Variants in MIGA1 observed in about 807,000 individuals in gnomAD.
The protein encoded by MIGA1 is mitoguardin 1, also known as family with sequence similarity 73, member A.
A neutral mutation model predicts 82.0 loss-of-function variants in MIGA1; 58 were observed. The observed-to-expected ratio is 0.71, with a 90% confidence interval of 0.57 to 0.88. The LOEUF is 0.88. Among genes scored for constraint, MIGA1 ranks in the 40% least tolerant of loss-of-function variants. The probability of loss-of-function intolerance (pLI) is 0.00; values close to 1 mark genes in which losing one functional copy is unlikely to be tolerated. For synonymous variants in MIGA1, 249 were observed against 253.6 expected (o/e 0.98, Z 0.17); for missense variants, 751 against 749.1 (o/e 1.00, Z -0.03).
chr1:77,804,470 A>T (rs1683009279), intron 4 of MIGA1, among the ~76,000 whole-genome samples: 1 of 152,208 alleles, frequency 6.6e-6, no homozygotes, highest in Non-Finnish European at 1.5e-5. Context: ...AGTCTCAGCT[A>T]TTCAGAAGAC....
At chr1:77,795,168 T>G (rs146465659) in intron 2 of MIGA1, among the ~76,000 whole-genome samples, 4,104 of 152,156 alleles carry the variant, frequency 0.027, 79 homozygotes, top group Middle Eastern at 0.092. Context: ...TTCACCATAC[T>G]GGTCAGGCTG....
Position 77,855,105 on chromosome 1 carries a change from C to G in MIGA1, c.997-3833C>G, listed in dbSNP as rs141495242. ...GAGATAAGGATCCAGTTTCATTCTC[C>G]TACATGTAGCTAGCCAATTATCCCA... On this transcript the variant is annotated intron_variant, in intron 8 of 15. Transcript: ENST00000370791. 4.1e-4 allele frequency among the ~76,000 whole-genome samples: 62 copies of G among 152,292 alleles called. No individual in the cohort carries two copies. The East Asian group carries it at 0.011, about 27-fold the overall frequency.
At chr1:77,816,392 G>A (rs1683574618) in intron 7 of MIGA1, among the ~76,000 whole-genome samples, 1 of 152,052 alleles carries the variant, frequency 6.6e-6, no homozygotes, top group Non-Finnish European at 1.5e-5. Flanking sequence ...AGTATGAAGA[G>A]GATTATTATT....
At chr1:77,788,363 T>C (rs975309740) in intron 2 of MIGA1, among the ~76,000 whole-genome samples, 3 of 152,194 alleles carry the variant, frequency 2.0e-5, no homozygotes, top group Admixed American at 6.5e-5. Context: ...GGTCTCGAAC[T>C]CCTGACCTTA....
At chr1:77,848,350 AAGG>A (rs1684921491) in intron 8 of MIGA1, 1 of 1,222,560 alleles carries the variant, frequency 8.2e-7, no homozygotes, top group African/African-American at 1.5e-5. Context: ...CACAGTGAGA[AAGG>A]AGAGAAGGAA....
intron 3 of MIGA1, among the ~76,000 whole-genome samples, chr1:77,802,074 T>C (rs1223795073): frequency 2.6e-5 from 4 of 152,204 alleles, no homozygotes; most frequent in Non-Finnish European, 5.9e-5. Context: ...TGCTGTCTTT[T>C]AAAGGATCTT....
intron 9 of MIGA1, 113 bp from the exon 10 acceptor site, chr1:77,859,201 A>G (rs1025109472): frequency 9.7e-7 from 1 of 1,030,008 alleles, no homozygotes; most frequent in African/African-American, 1.6e-5. Flanking sequence ...GTCAGTATTG[A>G]AAAAACATGT....
At chr1:77,788,657 G>A (rs568114310) in intron 2 of MIGA1, among the ~76,000 whole-genome samples, 1 of 152,114 alleles carries the variant, frequency 6.6e-6, no homozygotes, top group African/African-American at 2.4e-5. Context: ...GTATTATTAG[G>A]TAAGGGTCCA....
At chr1:77,795,310 A>G (rs1274089098) in intron 2 of MIGA1, among the ~76,000 whole-genome samples, 2 of 146,384 alleles carry the variant, frequency 1.4e-5, no homozygotes, top group Non-Finnish European at 3.0e-5. Flanking sequence ...TATTTCCTTC[A>G]TTACTTCTAC....
chr1:77,842,322 G>A (rs888255115), intron 7 of MIGA1, among the ~76,000 whole-genome samples: 3 of 152,050 alleles, frequency 2.0e-5, no homozygotes, highest in Admixed American at 1.3e-4. Context: ...CCCACATTCC[G>A]AATGACAAGT....
At chr1:77,844,127 T>G (rs777321635) in intron 8 of MIGA1, among the ~76,000 whole-genome samples, 4,029 of 117,130 alleles carry the variant, frequency 0.034, 137 homozygotes, top group South Asian at 0.13. Context: ...TATATATATA[T>G]ATATATATAT....
intron 8 of MIGA1, 90 bp from the exon 9 acceptor site, chr1:77,858,848 G>A (rs1685361394): frequency 8.3e-6 from 6 of 725,282 alleles, no homozygotes; most frequent in Admixed American, 2.4e-5. Context: ...TCAAACTTCT[G>A]GGTTCAAATG....
Position 77,853,063 on chromosome 1 carries a change from GCA to G in MIGA1, c.997-5873_997-5872del, listed in dbSNP as rs1280721612. Among the ~76,000 whole-genome samples, 8 of 152,294 alleles carry G rather than the reference GCA, an allele frequency of 5.3e-5. No homozygotes were observed. The East Asian group carries it at 1.5e-3, about 29-fold the overall frequency. ...TAAATCAACTGAAAGCATTAGCACAGCACTGGCTGCATGTGAAATACCAAAAC... is the reference window on the plus strand; with the variant it reads ...TAAATCAACTGAAAGCATTAGCACAGCTGGCTGCATGTGAAATACCAAAAC... On this transcript the variant is annotated intron_variant, in intron 8 of 15. Coordinates refer to ENST00000370791, the MANE Select transcript of MIGA1 (RefSeq NM_198549.4).
intron 9 of MIGA1, 32 bp downstream of exon 9, chr1:77,859,088 G>A: frequency 1.5e-6 from 2 of 1,313,976 alleles, no homozygotes; most frequent in South Asian, 2.4e-5. Context: ...TGTTTATGAA[G>A]GATATTAAGG....
rs1646912615 is a variant in MIGA1, at chr1:77,878,571, C to T, written c.*3507C>T. On this transcript the variant is annotated 3_prime_UTR_variant, in exon 16 of 16. Coordinates refer to ENST00000370791, the MANE Select transcript of MIGA1 (RefSeq NM_198549.4). ...CCTTGCCACCATGAGCTCTACCATC[C>T]ACTTCCATATGTAAATTATAAGAGG... 1 of 275,776 alleles carries T rather than the reference C, an allele frequency of 3.6e-6. No homozygotes were observed. The highest frequency in any genetic ancestry group is 6.7e-6 in the Non-Finnish European group (1 of 148,814). 17.1% of individuals were successfully genotyped at this position (275,776 alleles called of 1,614,324 possible).
At chr1:77,835,297 A>G (rs916287592) in intron 7 of MIGA1, among the ~76,000 whole-genome samples, 4 of 152,238 alleles carry the variant, frequency 2.6e-5, no homozygotes, top group East Asian at 3.8e-4. Flanking sequence ...ATATGTGACA[A>G]TTGAGTTAAG....
intron 2 of MIGA1, among the ~76,000 whole-genome samples, chr1:77,797,991 A>G (rs1474149413): frequency 2.0e-5 from 3 of 152,128 alleles, no homozygotes; most frequent in Non-Finnish European, 2.9e-5. Flanking sequence ...TGGTGAAATG[A>G]CATCCTTGCC....
At chr1:77,837,678 A>G (rs1224036358) in intron 7 of MIGA1, among the ~76,000 whole-genome samples, 1 of 152,226 alleles carries the variant, frequency 6.6e-6, no homozygotes, top group Non-Finnish European at 1.5e-5. Flanking sequence ...AATAGCAGAC[A>G]TTCCTTAGTT....
At chr1:77,837,584 A>G (rs1684478638) in intron 7 of MIGA1, among the ~76,000 whole-genome samples, 1 of 152,218 alleles carries the variant, frequency 6.6e-6, no homozygotes, top group Non-Finnish European at 1.5e-5. Flanking sequence ...TATGTAAAGC[A>G]TGTAACTTGG....
Sources: allele counts gnomAD v4.1 joint callset (sites outside exome capture counted in the v4.1 genomes callset), GRCh38; gene constraint gnomAD v4.1.1; transcripts MANE v1.5; gene names NCBI Gene and HGNC (gene_info 2026-07-23, HGNC 2026-07-21).